ATP10B: variants seen among roughly 807,000 people sequenced by gnomAD.
ATP10B encodes the protein ATPase phospholipid transporting 10B (putative), also known as phospholipid-transporting ATPase VB.
A neutral mutation model predicts 141.2 loss-of-function variants in ATP10B; 122 were observed. That is an observed-to-expected ratio of 0.86 (90% CI 0.75 to 1.00). The LOEUF (loss-of-function observed/expected upper bound fraction) is 1.00. ATP10B is among the 50% of genes least tolerant of loss of function. ATP10B has a pLI of 0.00. For missense variants in ATP10B, 1,876 were observed against 1,825.3 expected (o/e 1.03, Z -0.51); for synonymous variants, 685 against 692.0 (o/e 0.99, Z 0.16).
intron 6 of ATP10B, among the ~76,000 whole-genome samples, chr5:160,678,163 C>T (rs1207790874): frequency 1.3e-5 from 2 of 152,168 alleles, no homozygotes; most frequent in Admixed American, 6.5e-5. Context: ...AAAATGAGAG[C>T]GCAAAGCATA....
At chr5:160,907,252 G>A in the ATP10B span, among the ~76,000 whole-genome samples, 1 of 150,900 alleles carries the variant, frequency 6.6e-6, no homozygotes, top group African/African-American at 2.4e-5. Context: ...GATAGAGCCT[G>A]TTTCTGTTGC....
At chr5:160,575,227 C>A (rs1029647707) in intron 24 of ATP10B, among the ~76,000 whole-genome samples, 8 of 152,176 alleles carry the variant, frequency 5.3e-5, no homozygotes, top group African/African-American at 1.9e-4. Context: ...TTTTTACATT[C>A]ATATTTTGTT....
chr5:160,776,043 C>T (rs2127868462), intron 2 of ATP10B, among the ~76,000 whole-genome samples: 1 of 152,074 alleles, frequency 6.6e-6, no homozygotes, highest in East Asian at 1.9e-4. Flanking sequence ...TAAATATTAG[C>T]TATTGTGGTT....
In ATP10B at chr5:160,569,637, A is replaced by G. The variant is rs1350466550; in HGVS notation, c.3797T>C (p.Phe1266Ser). Residue 1266 changes from phenylalanine (F) to serine (S), a missense_variant, in exon 25 of 26, where the codon TTT becomes TCT. Coordinates refer to ENST00000327245, the MANE Select transcript of ATP10B (RefSeq NM_025153.3). ...GGCATTGTACAGGAGGGATACCAGAAAGTACATCAGGAAGCTGCCGAGGAG... is the reference window on the plus strand; with the variant it reads ...GGCATTGTACAGGAGGGATACCAGAGAGTACATCAGGAAGCTGCCGAGGAG... ...VVLLGSFLMY[F>S]LVSLLYNATC... 6.2e-7 allele frequency: 1 copy of G among 1,606,826 alleles called. No individual in the cohort carries two copies. Among genetic ancestry groups the G allele is most frequent in the Non-Finnish European group, 8.5e-7 (1 of 1,177,072 alleles).
At position 160,838,356 on chromosome 5, in the gene ATP10B, T is replaced by A. The variant is rs556756455; in HGVS notation, c.-576+13585A>T. Among the ~76,000 whole-genome samples the A allele has an allele frequency of 2.0e-4, 31 of 152,286 alleles. No individual in the cohort carries two copies. In the South Asian group the frequency reaches 2.3e-3, roughly 11 times the overall value. On this transcript the variant is annotated intron_variant, in intron 1 of 25. Coordinates refer to ENST00000327245, the MANE Select transcript of ATP10B (RefSeq NM_025153.3). ...CTTTCAAATTGTGATGTGGAAAGAA[T>A]CTAGAGAAAAACTTTCACAGACAGG...
chr5:160,907,408 T>C, the ATP10B span, among the ~76,000 whole-genome samples: 1 of 152,152 alleles, frequency 6.6e-6, no homozygotes, highest in Non-Finnish European at 1.5e-5. Context: ...ATAGGTTCTG[T>C]TGCCCAGGCT....
chr5:160,597,654 A>T (rs1446718775), intron 22 of ATP10B, among the ~76,000 whole-genome samples: 1 of 152,152 alleles, frequency 6.6e-6, no homozygotes, highest in Admixed American at 6.5e-5. Flanking sequence ...CATCTGACAA[A>T]GGGCTAATAT....
At chr5:160,836,366 T>C (rs548469508) in intron 1 of ATP10B, among the ~76,000 whole-genome samples, 61 of 152,238 alleles carry the variant, frequency 4.0e-4, no homozygotes, top group African/African-American at 1.4e-3. Context: ...TTGAATGTGG[T>C]AGACATGCTG....
chr5:160,795,571 A>ATT (rs11399408), intron 1 of ATP10B, among the ~76,000 whole-genome samples: 4,586 of 148,638 alleles, frequency 0.031, 96 homozygotes, highest in South Asian at 0.072. Flanking sequence ...GAACCTATGA[A>ATT]TTTTTTTTTT....
At chr5:160,803,443 T>C (rs1258904987) in intron 1 of ATP10B, among the ~76,000 whole-genome samples, 1 of 152,090 alleles carries the variant, frequency 6.6e-6, no homozygotes, top group African/African-American at 2.4e-5. Context: ...TTTGGGAGGC[T>C]GAGGAGGGCA....
chr5:160,604,053 G>T lies in ATP10B; in HGVS notation c.3161-12C>A. 2.5e-6 allele frequency: 4 copies of T among 1,610,998 alleles called. No individual in the cohort carries two copies. The highest frequency in any genetic ancestry group is 3.4e-6 in the Non-Finnish European group (4 of 1,177,512). The stretch of plus-strand genomic sequence containing the variant: ...ATTTGCTCCATCACCTGAAAGAGAG[G>T]TCATAACGTGTCTTTATTTTTGGTC... On this transcript the variant is annotated splice_polypyrimidine_tract_variant and intron_variant, in intron 19 of 25. Coordinates refer to ENST00000327245, the MANE Select transcript of ATP10B (RefSeq NM_025153.3).
intron 3 of ATP10B, among the ~76,000 whole-genome samples, chr5:160,697,628 G>C (rs1024068787): frequency 2.6e-5 from 4 of 152,026 alleles, no homozygotes; most frequent in Non-Finnish European, 4.4e-5. Flanking sequence ...TGTTGTCTTT[G>C]GTTGGTAAAA....
At chr5:160,615,523 G>A (rs1757949019) in intron 17 of ATP10B, among the ~76,000 whole-genome samples, 1 of 151,828 alleles carries the variant, frequency 6.6e-6, no homozygotes, top group Admixed American at 6.6e-5. Context: ...CCAAAGCCTA[G>A]CATGTCACTT....
At chr5:160,895,700 A>G in the ATP10B span, among the ~76,000 whole-genome samples, 7 of 152,214 alleles carry the variant, frequency 4.6e-5, no homozygotes. Context: ...AAGTGGACCT[A>G]ATAGACATCT....
At chr5:160,888,691 G>A in the ATP10B span, among the ~76,000 whole-genome samples, 8 of 152,264 alleles carry the variant, frequency 5.3e-5, no homozygotes, top group South Asian at 1.5e-3. Context: ...GTCTTCCTTT[G>A]TTCCTAGGAT....
chr5:160,861,533 T>G, the ATP10B span, among the ~76,000 whole-genome samples: 1 of 151,938 alleles, frequency 6.6e-6, no homozygotes. Context: ...AGCTTGTAAT[T>G]TTTTGTTCAA....
chr5:160,569,752 C>A, intron 24 of ATP10B, 69 bp from the exon 25 acceptor site: 3 of 1,242,086 alleles, frequency 2.4e-6, no homozygotes, highest in Non-Finnish European at 3.3e-6. Flanking sequence ...GATCAAACTA[C>A]TTGATTAACT....
the ATP10B span, among the ~76,000 whole-genome samples, chr5:160,908,085 T>TA: frequency 6.6e-6 from 1 of 152,180 alleles, no homozygotes; most frequent in South Asian, 2.1e-4. Context: ...TGTTGTGTGT[T>TA]AGAGTTAAGT....
intron 2 of ATP10B, among the ~76,000 whole-genome samples, chr5:160,762,984 G>T (rs1769151456): frequency 6.6e-6 from 1 of 152,102 alleles, no homozygotes; most frequent in Non-Finnish European, 1.5e-5. Context: ...ATTATATAAT[G>T]ATAAAAGGAT....
Sources: gnomAD v4.1 joint callset for allele counts (sites outside exome capture counted in the v4.1 genomes callset) on GRCh38, gnomAD v4.1.1 for gene constraint, MANE v1.5 for transcripts, NCBI Gene and HGNC (gene_info 2026-07-23, HGNC 2026-07-21) for gene names.